FER1L6: variants seen among roughly 807,000 people sequenced by gnomAD.
FER1L6 encodes the protein fer-1 like family member 6.
A neutral mutation model predicts 219.2 loss-of-function variants in FER1L6; 177 were observed. That is an observed-to-expected ratio of 0.81 (90% confidence interval 0.71 to 0.91). The LOEUF is 0.91. Ranked by LOEUF, FER1L6 falls within the 40% of genes least tolerant of loss-of-function variation. The probability of loss-of-function intolerance (pLI) is 0.00; values close to 1 mark genes in which losing one functional copy is unlikely to be tolerated. For synonymous variants in FER1L6, 768 were observed against 824.3 expected, an observed-to-expected ratio of 0.93 and a Z score of 1.17; for missense variants, 2,153 against 2,259.9, an observed-to-expected ratio of 0.95 and a Z score of 0.96.
intron 25 of FER1L6, among the ~76,000 whole-genome samples, chr8:124,062,602 C>T (rs1158090627): frequency 6.6e-6 from 1 of 152,184 alleles, no homozygotes; most frequent in East Asian, 1.9e-4. Flanking sequence ...ATCCATATTG[C>T]TGTGTGTACA....
At position 124,105,509 on chromosome 8, in the gene FER1L6, G is replaced by A. The variant is rs1182914975; in HGVS notation, c.5289+2200G>A. Among the ~76,000 whole-genome samples the A allele has an allele frequency of 2.0e-5, 3 of 152,190 alleles. 1 individual carries two copies. Among genetic ancestry groups the A allele is most frequent in the Admixed American group, 2.0e-4 (3 of 15,290 alleles). On this transcript the variant is annotated intron_variant, in intron 39 of 40. Coordinates refer to ENST00000522917, the MANE Select transcript of FER1L6 (RefSeq NM_001039112.2). ...GAAGAGGGTCAAAATTGGAGAGAGA[G>A]GACTAGGCAGAGATGTAAGAAAAAA...
chr8:123,865,936 GTCT>G (rs1816829277), intron 1 of FER1L6, among the ~76,000 whole-genome samples: 1 of 151,228 alleles, frequency 6.6e-6, no homozygotes, highest in African/African-American at 2.5e-5. Flanking sequence ...GAAATCACCC[GTCT>G]TCTGCGTCGC....
In FER1L6 at chr8:123,898,261, TAAA is replaced by T. The variant is rs920405830; in HGVS notation, c.-8+46079_-8+46081del. On this transcript the variant is annotated intron_variant, in intron 1 of 40. Coordinates refer to ENST00000522917, the MANE Select transcript of FER1L6 (RefSeq NM_001039112.2). ...AATTAATGACTATCCAATTTTTGAATAAAAATTATTTAAATAAAGTTGAAAATT... is the reference window on the plus strand; with the variant it reads ...AATTAATGACTATCCAATTTTTGAATAATTATTTAAATAAAGTTGAAAATT... Among the ~76,000 whole-genome samples, 7 of 152,142 alleles carry T rather than the reference TAAA, an allele frequency of 4.6e-5. 1 individual carries two copies. Among genetic ancestry groups the T allele is most frequent in the African/African-American group, 1.7e-4 (7 of 41,438 alleles).
chr8:123,954,764 T>C (rs1051702605), intron 1 of FER1L6, among the ~76,000 whole-genome samples: 6 of 152,194 alleles, frequency 3.9e-5, no homozygotes, highest in African/African-American at 1.4e-4. Flanking sequence ...ACTCCACACA[T>C]CCTAAGTCCT....
At chr8:124,071,762 T>C (rs1821084660) in intron 31 of FER1L6, 131 bp downstream of exon 31, 2 of 1,183,216 alleles carry the variant, frequency 1.7e-6, no homozygotes, top group Admixed American at 2.7e-5. Flanking sequence ...CATAAGTCTA[T>C]AATCAAGTTG....
intron 14 of FER1L6, among the ~76,000 whole-genome samples, chr8:124,012,923 C>A (rs1197923472): frequency 1.3e-5 from 2 of 152,228 alleles, no homozygotes; most frequent in Admixed American, 1.3e-4. Flanking sequence ...AGTATACAAG[C>A]ATAGGGCCAT....
At chr8:123,916,001 A>G (rs951615714) in intron 1 of FER1L6, among the ~76,000 whole-genome samples, 2 of 152,176 alleles carry the variant, frequency 1.3e-5, no homozygotes, top group Non-Finnish European at 2.9e-5. Context: ...AAATGCTTGG[A>G]CAATAATGTT....
chr8:123,922,194 T>C (rs1310571589), intron 1 of FER1L6, among the ~76,000 whole-genome samples: 1 of 152,212 alleles, frequency 6.6e-6, no homozygotes, highest in African/African-American at 2.4e-5. Flanking sequence ...AGCTGCCATC[T>C]GTGTGCGTTG....
At chr8:123,936,017 G>C (rs1813983413) in intron 1 of FER1L6, among the ~76,000 whole-genome samples, 1 of 152,050 alleles carries the variant, frequency 6.6e-6, no homozygotes, top group Non-Finnish European at 1.5e-5. Flanking sequence ...ACTTCTAGAT[G>C]GTTTGCATTT....
chr8:123,892,399 C>G (rs573194591), intron 1 of FER1L6, among the ~76,000 whole-genome samples: 181 of 152,074 alleles, frequency 1.2e-3, no homozygotes, highest in African/African-American at 3.8e-3. Context: ...TCAAGTGATT[C>G]TTGTGTCTCA....
chr8:123,853,694 G>A lies in FER1L6; in HGVS notation c.-8+1509G>A, dbSNP rs1458556904. ...GAGAACCTATCCAAGTTGCACGTAT[G>A]CAGGTGACATGCTCATGGCTATGAT... On this transcript the variant is annotated intron_variant, in intron 1 of 40. Transcript: ENST00000522917. This position sits in a 1 kb window ranked among gnomAD's most constrained non-coding sequence, Gnocchi z 6.6. 6.6e-6 allele frequency among the ~76,000 whole-genome samples: 1 copy of A among 152,238 alleles called. No homozygotes were observed. Among genetic ancestry groups the A allele is most frequent in the African/African-American group, 2.4e-5 (1 of 41,470 alleles).
At chr8:124,106,190 G>T (rs375931990) in intron 39 of FER1L6, among the ~76,000 whole-genome samples, 137 of 151,948 alleles carry the variant, frequency 9.0e-4, no homozygotes, top group African/African-American at 3.1e-3. Flanking sequence ...TTAGCTGGGC[G>T]TGGTGGCGGG....
chr8:124,034,050 G>A (rs956299486), intron 18 of FER1L6, among the ~76,000 whole-genome samples: 50 of 151,936 alleles, frequency 3.3e-4, no homozygotes, highest in African/African-American at 1.1e-3. Flanking sequence ...GCTCAATTTC[G>A]GATTCAGAGA....
At chr8:124,086,798 A>C (rs1821803308) in intron 33 of FER1L6, among the ~76,000 whole-genome samples, 2 of 152,042 alleles carry the variant, frequency 1.3e-5, no homozygotes, top group South Asian at 4.1e-4. Flanking sequence ...AATCCCTCAG[A>C]GTTTGTCTGG....
At chr8:123,955,115 AG>A (rs1237036479) in intron 1 of FER1L6, among the ~76,000 whole-genome samples, 2 of 152,176 alleles carry the variant, frequency 1.3e-5, no homozygotes, top group African/African-American at 4.8e-5. Flanking sequence ...TGTAATGAGA[AG>A]GAGGCTTACG....
At chr8:123,954,120 A>C (rs1398040092) in intron 1 of FER1L6, among the ~76,000 whole-genome samples, 1 of 152,140 alleles carries the variant, frequency 6.6e-6, no homozygotes, top group Admixed American at 6.5e-5. Flanking sequence ...AGTTCTTTCC[A>C]TTATACACAG....
intron 13 of FER1L6, among the ~76,000 whole-genome samples, chr8:124,010,338 C>A (rs2130558425): frequency 6.6e-6 from 1 of 152,160 alleles, no homozygotes; most frequent in South Asian, 2.1e-4. Flanking sequence ...AAATCCCGCC[C>A]TCTAGTGATC....
At chr8:123,964,758 C>T (rs1327318003) in intron 3 of FER1L6, among the ~76,000 whole-genome samples, 1 of 152,180 alleles carries the variant, frequency 6.6e-6, no homozygotes, top group Non-Finnish European at 1.5e-5. Flanking sequence ...TATCCACCCA[C>T]CAATGCTCAA....
chr8:123,977,530 A>G lies in FER1L6; in HGVS notation c.984A>G (p.Glu328=). Residue 328 remains glutamate, a synonymous_variant, in exon 10 of 41, where the codon GAA becomes GAG. Coordinates refer to ENST00000522917, the MANE Select transcript of FER1L6 (RefSeq NM_001039112.2). ...GGGTGAAAATCCAGGTGTGGGATGAAGGCAGCATGAATGACGTAGCCCTGG... is the reference window on the plus strand; with the variant it reads ...GGGTGAAAATCCAGGTGTGGGATGAGGGCAGCATGAATGACGTAGCCCTGG... ...CRRVKIQVWD[E]GSMNDVALAT... The G allele has an allele frequency of 6.2e-7, 1 of 1,614,114 alleles. No individual in the cohort carries two copies. Among genetic ancestry groups the G allele is most frequent in the Non-Finnish European group, 8.5e-7 (1 of 1,180,018 alleles).
Sources: allele counts gnomAD v4.1 joint callset (sites outside exome capture counted in the v4.1 genomes callset), GRCh38; gene constraint gnomAD v4.1.1; non-coding constraint Gnocchi (gnomAD v3.1); transcripts MANE v1.5; gene names NCBI Gene and HGNC (gene_info 2026-07-23, HGNC 2026-07-21).